COL25A1: variants seen among roughly 807,000 people sequenced by gnomAD.
The protein encoded by COL25A1 is collagen type XXV alpha 1 chain, also known as collagen alpha-1(XXV) chain.
Under a neutral mutation model 128.4 loss-of-function variants are expected in COL25A1, and 103 were observed. That is an observed-to-expected ratio of 0.80 (90% confidence interval 0.68 to 0.94). The LOEUF is 0.94. Ranked by LOEUF, COL25A1 falls within the 40% of genes least tolerant of loss-of-function variation. The pLI is 0.00. For synonymous variants in COL25A1, 279 were observed against 277.2 expected (o/e 1.01, Z -0.06); for missense variants, 745 against 840.0 (o/e 0.89, Z 1.40).
At chr4:109,190,293 T>C (rs1775494945) in intron 3 of COL25A1, among the ~76,000 whole-genome samples, 1 of 152,170 alleles carries the variant, frequency 6.6e-6, no homozygotes, top group Non-Finnish European at 1.5e-5. Flanking sequence ...TGAGATGGGC[T>C]CATCACATTT....
intron 3 of COL25A1, among the ~76,000 whole-genome samples, chr4:109,285,237 C>T (rs1180185965): frequency 6.6e-6 from 1 of 152,092 alleles, no homozygotes; most frequent in Non-Finnish European, 1.5e-5. Context: ...AGGTACTCAA[C>T]TTGTTTTTTA....
intron 3 of COL25A1, among the ~76,000 whole-genome samples, chr4:109,202,935 G>A (rs1776685743): frequency 6.6e-6 from 1 of 151,978 alleles, no homozygotes; most frequent in African/African-American, 2.4e-5. Context: ...GCAGCCAGGG[G>A]AGAGAAAGAG....
chr4:108,831,243 T>C (rs1423793174), intron 32 of COL25A1, among the ~76,000 whole-genome samples: 1 of 152,086 alleles, frequency 6.6e-6, no homozygotes. Context: ...TAATCAATTA[T>C]AATGGTATTA....
intron 3 of COL25A1, among the ~76,000 whole-genome samples, chr4:109,166,146 T>C (rs1194772983): frequency 6.6e-6 from 1 of 152,194 alleles, no homozygotes; most frequent in Non-Finnish European, 1.5e-5. Flanking sequence ...AAGTTGTCTA[T>C]GAGTGAGTGA....
Position 108,901,158 on chromosome 4 carries a change from C to A in COL25A1, c.795G>T (p.Leu265Phe), listed in dbSNP as rs772215144. The change falls in exon 14 of 38, where the codon TTG becomes TTT. Residue 265 changes from leucine (L) to phenylalanine (F), a missense_variant. Leu to Phe is a conservative substitution (Grantham distance 22). This residue lies in a region of COL25A1 where 39 missense variants were observed against 73.3 expected (regional missense o/e 0.53). Transcript: ENST00000399132. ...GMNGQKGEPG[L>F]PGAVGQNGIP... ...TTCCATTCTGTCCTACTGCTCCAGG[C>A]AACCCGGGCTCACCCTCAAAATAGA... 10 of 1,612,186 alleles carry A rather than the reference C, an allele frequency of 6.2e-6. No individual in the cohort carries two copies. The highest frequency in any genetic ancestry group is 7.6e-6 in the Non-Finnish European group (9 of 1,178,614).
At chr4:109,007,904 T>A (rs982932905) in intron 6 of COL25A1, among the ~76,000 whole-genome samples, 1 of 152,224 alleles carries the variant, frequency 6.6e-6, no homozygotes, top group African/African-American at 2.4e-5. Context: ...TGATCTTTCT[T>A]CTGTTTATTA....
At chr4:108,883,312 C>T (rs1224296613) in intron 19 of COL25A1, among the ~76,000 whole-genome samples, 1 of 152,086 alleles carries the variant, frequency 6.6e-6, no homozygotes, top group Non-Finnish European at 1.5e-5. Context: ...ACATGAGCCA[C>T]CGTGCCCGGC....
At chr4:108,925,107 A>G (rs1745896160) in intron 11 of COL25A1, among the ~76,000 whole-genome samples, 1 of 152,194 alleles carries the variant, frequency 6.6e-6, no homozygotes. Flanking sequence ...ATTCACTCAC[A>G]TAATAGTTTT....
intron 3 of COL25A1, among the ~76,000 whole-genome samples, chr4:109,194,755 CA>C (rs1775890442): frequency 6.6e-6 from 1 of 152,036 alleles, no homozygotes; most frequent in Non-Finnish European, 1.5e-5. Context: ...TACCAGTATC[CA>C]TGCGCTTTAT....
intron 3 of COL25A1, among the ~76,000 whole-genome samples, chr4:109,128,568 G>T (rs1282598690): frequency 1.3e-5 from 2 of 152,154 alleles, no homozygotes; most frequent in Non-Finnish European, 2.9e-5. Flanking sequence ...ACTCTTACCT[G>T]CAAGACATCA....
chr4:108,928,546 T>TTATG (rs1317859769), intron 11 of COL25A1, among the ~76,000 whole-genome samples: 1 of 150,598 alleles, frequency 6.6e-6, no homozygotes, highest in Non-Finnish European at 1.5e-5. Context: ...ATGTATTTAT[T>TTATG]TATTTATTTC....
At chr4:108,866,427 A>G (rs1737930619) in intron 20 of COL25A1, among the ~76,000 whole-genome samples, 1 of 151,898 alleles carries the variant, frequency 6.6e-6, no homozygotes, top group Admixed American at 6.6e-5. Context: ...TCCTGGGCTC[A>G]AGCAATCTGC....
chr4:109,210,402 T>A (rs529640180), intron 3 of COL25A1, among the ~76,000 whole-genome samples: 41 of 152,330 alleles, frequency 2.7e-4, no homozygotes, highest in Non-Finnish European at 4.9e-4. Flanking sequence ...AAGTTCAAAA[T>A]AGTCGCTCTC....
chr4:108,823,990 T>C (rs1732073751), intron 35 of COL25A1, 184 bp downstream of exon 35: 3 of 1,548,286 alleles, frequency 1.9e-6, no homozygotes, highest in Non-Finnish European at 2.6e-6. Flanking sequence ...AGTGCCCTTA[T>C]ATCTGGCAGT....
rs72668340 is a variant in COL25A1, at chr4:108,869,575, C to G, written c.1021-425G>C. ...AGGGGAGTTAGTGCCAGAATAGGAT[C>G]GAATTGTAGGACACCCAGTTGGTGT... is the stretch of plus-strand genomic sequence containing the variant. On this transcript the variant is annotated intron_variant, in intron 19 of 37. Coordinates refer to ENST00000399132, the MANE Select transcript of COL25A1 (RefSeq NM_198721.4). Among the ~76,000 whole-genome samples the G allele has an allele frequency of 9.2e-3, 1,406 of 152,156 alleles. 10 individuals are homozygous for G. Among genetic ancestry groups the G allele is most frequent in the Non-Finnish European group, 0.015 (1,029 of 68,010 alleles).
chr4:108,935,060 G>A (rs900674874), intron 11 of COL25A1, among the ~76,000 whole-genome samples: 10 of 152,134 alleles, frequency 6.6e-5, no homozygotes, highest in South Asian at 2.1e-4. Flanking sequence ...AAGGTCAGAC[G>A]GACATTCATT....
At chr4:109,131,904 G>A (rs1201595297) in intron 3 of COL25A1, among the ~76,000 whole-genome samples, 4 of 152,114 alleles carry the variant, frequency 2.6e-5, no homozygotes, top group Admixed American at 6.5e-5. Context: ...AATGGATGTC[G>A]GGAGGCAGAG....
intron 11 of COL25A1, among the ~76,000 whole-genome samples, chr4:108,934,146 A>G (rs1276087702): frequency 6.6e-6 from 1 of 152,196 alleles, no homozygotes; most frequent in Non-Finnish European, 1.5e-5. Context: ...ATGGAATACT[A>G]TGCAGCCATA....
At chr4:109,062,073 A>C (rs1458325410) in intron 3 of COL25A1, among the ~76,000 whole-genome samples, 1 of 152,166 alleles carries the variant, frequency 6.6e-6, no homozygotes, top group Non-Finnish European at 1.5e-5. Context: ...GAAAACATAC[A>C]CCAAAATTTT....
Sources: allele counts gnomAD v4.1 joint callset (sites outside exome capture counted in the v4.1 genomes callset), GRCh38; gene constraint gnomAD v4.1.1; regional missense constraint gnomAD v4.1.1; transcripts MANE v1.5; gene names NCBI Gene and HGNC (gene_info 2026-07-23, HGNC 2026-07-21).